ERN1: variants seen among roughly 807,000 people sequenced by gnomAD.
ERN1 encodes endoplasmic reticulum to nucleus signaling 1, also known as serine/threonine-protein kinase/endoribonuclease IRE1.
A neutral mutation model predicts 113.1 loss-of-function variants in ERN1; 39 were observed. The ratio of observed to expected loss-of-function variants is 0.34; its 90% confidence interval spans 0.27 to 0.45. The LOEUF is 0.45. Among genes scored for constraint, ERN1 ranks in the 20% least tolerant of loss-of-function variants. The pLI is 1.00. For missense variants in ERN1, 976 were observed against 1,274.8 expected, an observed-to-expected ratio of 0.77 and a Z score of 3.57; for synonymous variants, 507 against 515.9, an observed-to-expected ratio of 0.98 and a Z score of 0.23.
chr17:64,094,333 C>A lies in ERN1; in HGVS notation c.175+3788G>T, dbSNP rs112482560. On this transcript the variant is annotated intron_variant, in intron 2 of 21. Transcript: ENST00000433197. ...CATTTGTTCCTGGGGGGAGTGTCAG[C>A]GTGTGTCCGAGCATTTACATGCTAT... Among the ~76,000 whole-genome samples the A allele has an allele frequency of 3.9e-5, 6 of 152,104 alleles. No homozygotes were observed. In the South Asian group the frequency reaches 1.2e-3, roughly 32 times the overall value.
rs902264538 is a variant in ERN1, at chr17:64,053,260, G to T, written c.2053+12C>A. On this transcript the variant is annotated intron_variant, in intron 16 of 21. Coordinates refer to ENST00000433197, the MANE Select transcript of ERN1 (RefSeq NM_001433.5). ...ACCCGGGCCGCTGGCCTGGTAAAGT[G>T]CAGCCTCTCACCGATGTTGAGGGAG... 6.3e-6 allele frequency: 10 copies of T among 1,592,208 alleles called. No homozygotes were observed. In the African/African-American group the frequency reaches 1.3e-4, roughly 21 times the overall value.
chr17:64,127,041 T>C (rs1490549043), intron 1 of ERN1, among the ~76,000 whole-genome samples: 2 of 152,118 alleles, frequency 1.3e-5, no homozygotes, highest in East Asian at 3.9e-4. Context: ...TAACCAACTC[T>C]AGGAGCAAGA....
At chr17:64,052,750 G>A (rs1205382422) in intron 17 of ERN1, 30 bp downstream of exon 17, 3 of 1,591,068 alleles carry the variant, frequency 1.9e-6, no homozygotes, top group East Asian at 4.5e-5. Context: ...TGGTTCTGTA[G>A]TTTTCAAAGG....
rs201214677 is a variant in ERN1 at position 64,044,032 on chromosome 17, C to T, written c.2890G>A (p.Glu964Lys). Residue 964 changes from glutamate to lysine, a missense_variant, in exon 22 of 22, where the codon GAG becomes AAG. This residue lies in a region of ERN1 where 92 missense variants were observed against 87.3 expected (regional missense o/e 1.05). Coordinates refer to ENST00000433197, the MANE Select transcript of ERN1 (RefSeq NM_001433.5). This position sits in a 1 kb window ranked among gnomAD's most constrained non-coding sequence, Gnocchi z 4.1. ...ACTGGGGGCTGGGGCTCTGGGGGCT[C>T]GTGGAAGTAGTAGGGCTGGAAGAGT... ...ERLFQPYYFHEPPEPQPPVTP... is the reference protein window; with the variant it reads ...ERLFQPYYFHKPPEPQPPVTP... The T allele has an allele frequency of 2.4e-4, 393 of 1,613,116 alleles. 3 individuals carry two copies. Among genetic ancestry groups the T allele is most frequent in the Admixed American group, 1.2e-3 (71 of 59,944 alleles).
At chr17:64,107,938 C>A (rs1169430496) in intron 1 of ERN1, among the ~76,000 whole-genome samples, 1 of 152,164 alleles carries the variant, frequency 6.6e-6, no homozygotes, top group Non-Finnish European at 1.5e-5. Flanking sequence ...TCCTTCTAAC[C>A]AGTCTATCGG....
In ERN1 at chr17:64,047,996, G is replaced by C; in HGVS notation, c.2402-11C>G. The C allele has an allele frequency of 6.3e-7, 1 of 1,599,968 alleles. No homozygotes were observed. The highest frequency in any genetic ancestry group is 1.1e-5 in the South Asian group (1 of 89,098). On this transcript the variant is annotated splice_polypyrimidine_tract_variant and intron_variant, in intron 18 of 21. Transcript: ENST00000433197. ...GTGCAATGACGTCTTCTATAAAGGA[G>C]GAAAATAAGCAACTCATGACTACCA...
chr17:64,065,815 G>A (rs1308946378), intron 8 of ERN1, among the ~76,000 whole-genome samples: 1 of 152,176 alleles, frequency 6.6e-6, no homozygotes, highest in Non-Finnish European at 1.5e-5. Context: ...CAGACTTGGT[G>A]AGACTTCTGG....
At chr17:64,048,083 T>G in intron 18 of ERN1, 98 bp from the exon 19 acceptor site, 1 of 1,097,262 alleles carries the variant, frequency 9.1e-7, no homozygotes, top group Non-Finnish European at 1.3e-6. Context: ...CATTTATGAT[T>G]CTATTTACAG....
At chr17:64,093,907 G>A (rs1914157279) in intron 2 of ERN1, among the ~76,000 whole-genome samples, 1 of 152,210 alleles carries the variant, frequency 6.6e-6, no homozygotes, top group African/African-American at 2.4e-5. Flanking sequence ...CAGCTCCCCA[G>A]GGAATGCTTG....
chr17:64,107,523 T>C (rs1914563170), intron 1 of ERN1, among the ~76,000 whole-genome samples: 1 of 152,062 alleles, frequency 6.6e-6, no homozygotes, highest in Non-Finnish European at 1.5e-5. Context: ...GGTCCTACTA[T>C]GTTGCCCAGG....
At chr17:64,050,095 A>C (rs1912636300) in intron 17 of ERN1, among the ~76,000 whole-genome samples, 1 of 152,160 alleles carries the variant, frequency 6.6e-6, no homozygotes, top group Non-Finnish European at 1.5e-5. Flanking sequence ...CGTGGACAGA[A>C]AGGTTGCATG....
chr17:64,098,973 G>A (rs917427209), intron 1 of ERN1, among the ~76,000 whole-genome samples: 23 of 152,074 alleles, frequency 1.5e-4, no homozygotes, highest in African/African-American at 5.6e-4. Context: ...ATATAAAAGT[G>A]CTCTTAGTTT....
chr17:64,120,629 G>A (rs2143503984), intron 1 of ERN1, among the ~76,000 whole-genome samples: 1 of 152,294 alleles, frequency 6.6e-6, no homozygotes, highest in East Asian at 1.9e-4. Flanking sequence ...AGTGAAAAAT[G>A]AAACTGACAT....
rs1214276609 is a variant in ERN1, at chr17:64,040,516, T to C, written c.*3472A>G. 1 of 152,210 alleles carries C rather than the reference T, an allele frequency of 6.6e-6. No homozygotes were observed. Among genetic ancestry groups the C allele is most frequent in the Admixed American group, 6.5e-5 (1 of 15,274 alleles). 9.4% of individuals were successfully genotyped at this position (152,210 alleles called of 1,614,324 possible). On this transcript the variant is annotated 3_prime_UTR_variant, in exon 22 of 22. Coordinates refer to ENST00000433197, the MANE Select transcript of ERN1 (RefSeq NM_001433.5). ...ATCTCTCACTGCAGCAAGAAAAGAATTGCCAAAGATAACTGAATCGCATGC... is the reference window on the plus strand; with the variant it reads ...ATCTCTCACTGCAGCAAGAAAAGAACTGCCAAAGATAACTGAATCGCATGC...
chr17:64,071,751 G>A (rs558941999), intron 6 of ERN1, among the ~76,000 whole-genome samples: 11 of 152,274 alleles, frequency 7.2e-5, no homozygotes, highest in African/African-American at 2.4e-4. Flanking sequence ...GAAATGAGGC[G>A]AGAAAGGTGG....
In ERN1 at chr17:64,047,946, G is replaced by C; in HGVS notation, c.2441C>G (p.Ala814Gly). The C allele has an allele frequency of 6.2e-7, 1 of 1,613,192 alleles. No homozygotes were observed. ...TGAGGGGCGTTTCTGAGGATCCATC[G>C]CAATCATCTTCTCTATCAATTCACG... ...IARELIEKMIAMDPQKRPSAK... is the reference protein window; with the variant it reads ...IARELIEKMIGMDPQKRPSAK... Residue 814 changes from alanine to glycine, a missense_variant, in exon 19 of 22, where the codon GCG becomes GGG. By Grantham distance (60) the Ala-to-Gly change is moderately conservative. This residue lies in a region of ERN1 where 297 missense variants were observed against 457.8 expected (regional missense o/e 0.65). Coordinates refer to ENST00000433197, the MANE Select transcript of ERN1 (RefSeq NM_001433.5).
rs146710304 is a variant in ERN1, at chr17:64,054,300, G to T, written c.1903C>A (p.Arg635=). 2 of 1,613,850 alleles carry T rather than the reference G, an allele frequency of 1.2e-6. No individual in the cohort carries two copies. The highest frequency in any genetic ancestry group is 8.5e-7 in the Non-Finnish European group (1 of 1,179,834). Residue 635 remains arginine, a synonymous_variant, in exon 15 of 22, where the codon CGG becomes AGG. Coordinates refer to ENST00000433197, the MANE Select transcript of ERN1 (RefSeq NM_001433.5). The surrounding 1 kb of genome is among the most constrained non-coding windows in gnomAD (Gnocchi z 4.9). ...VIRYFCTEKD[R]QFQYIAIELC... is the part of the protein sequence containing the mutation. ...TCGATGGCAATGTACTGGAATTGCC[G>T]GTCCTTCTCCGTGCAGAAGTAGCGG...
rs1384290661 is a variant in ERN1 at position 64,073,272 on chromosome 17, G to A, written c.356-1169C>T. ...CAACCTCCACCTCCCAGGTTCAAGC[G>A]ATTCTCCTGCCTCAGCCTCCTGAGT... On this transcript the variant is annotated intron_variant, in intron 5 of 21. Transcript: ENST00000433197. Among the ~76,000 whole-genome samples, 15 of 149,944 alleles carry A rather than the reference G, an allele frequency of 1.0e-4. No individual in the cohort carries two copies. In the East Asian group the frequency reaches 1.8e-3, roughly 18 times the overall value.
chr17:64,043,718 C>T lies in ERN1; in HGVS notation c.*270G>A, dbSNP rs561229033. The stretch of plus-strand genomic sequence containing the variant: ...CCAGTAGATGGCTGGGGGTGCTACT[C>T]GCGCTGTCTCTGAGGCCCTCCTTTG... On this transcript the variant is annotated 3_prime_UTR_variant, in exon 22 of 22. Coordinates refer to ENST00000433197, the MANE Select transcript of ERN1 (RefSeq NM_001433.5). The T allele has an allele frequency of 6.9e-5, 25 of 361,904 alleles. No individual in the cohort carries two copies. Among genetic ancestry groups the T allele is most frequent in the African/African-American group, 3.7e-4 (18 of 48,110 alleles). The allele number at this position is 361,904 out of a possible 1,614,324, so 22.4% of individuals were successfully genotyped here. A position where few individuals can be genotyped will look rare whatever the true frequency, so the allele number is the denominator to read the frequency against.
Sources: allele counts gnomAD v4.1 joint callset (sites outside exome capture counted in the v4.1 genomes callset), GRCh38; gene constraint gnomAD v4.1.1; regional missense constraint gnomAD v4.1.1; non-coding constraint Gnocchi (gnomAD v3.1); transcripts MANE v1.5; gene names NCBI Gene and HGNC (gene_info 2026-07-23, HGNC 2026-07-21).